RUNX1: variants seen among roughly 807,000 people sequenced by gnomAD.
The protein encoded by RUNX1 is runt-related transcription factor 1.
A neutral mutation model predicts 42.8 loss-of-function variants in RUNX1; 19 were observed. That is an observed-to-expected ratio of 0.44 (90% CI 0.31 to 0.65). The LOEUF (loss-of-function observed/expected upper bound fraction) is 0.65. RUNX1 is among the 30% of genes least tolerant of loss of function. The probability of loss-of-function intolerance (pLI) is 0.07; values close to 1 mark genes in which losing one functional copy is unlikely to be tolerated. For missense variants in RUNX1, 528 were observed against 672.0 expected (o/e 0.79, Z 2.37); for synonymous variants, 271 against 289.4 (o/e 0.94, Z 0.64).
At chr21:34,885,647 AG>A in intron 4 of RUNX1, among the ~76,000 whole-genome samples, 1 of 152,244 alleles carries the variant, frequency 6.6e-6, no homozygotes, top group Admixed American at 6.5e-5. Context: ...TTTTTTAAAA[AG>A]TGAATATTCG....
chr21:34,795,015 T>C (rs1031012442), intron 8 of RUNX1, among the ~76,000 whole-genome samples: 2 of 152,204 alleles, frequency 1.3e-5, no homozygotes, highest in Non-Finnish European at 2.9e-5. Context: ...CTTAGAATTA[T>C]TCATTAAATG....
At chr21:35,013,720 C>G (rs781182915) in intron 2 of RUNX1, among the ~76,000 whole-genome samples, 13 of 152,162 alleles carry the variant, frequency 8.5e-5, no homozygotes, top group Non-Finnish European at 1.9e-4. Context: ...AAACAGATGT[C>G]TATTTCTAGG....
rs903701410 is a variant in RUNX1 at position 34,813,631 on chromosome 21, T to C, written c.806-14169A>G. On this transcript the variant is annotated intron_variant, in intron 7 of 8. Coordinates refer to ENST00000675419, the MANE Select transcript of RUNX1 (RefSeq NM_001754.5). ...TTGAGCCCTGGGTGAGCTGCAGGTG[T>C]GAACTACCAACAAGACTGCTCCTGA... Among the ~76,000 whole-genome samples the C allele has an allele frequency of 2.0e-5, 3 of 151,924 alleles. No homozygotes were observed. In the East Asian group the frequency reaches 5.8e-4, roughly 30 times the overall value.
At chr21:34,998,929 A>G (rs543613339) in intron 2 of RUNX1, among the ~76,000 whole-genome samples, 1 of 152,356 alleles carries the variant, frequency 6.6e-6, no homozygotes, top group Admixed American at 6.5e-5. Context: ...TCTGTGCTCC[A>G]AAGCAAAACC....
rs2057273486 is a variant in RUNX1 at position 34,843,562 on chromosome 21, CCAAGA to C, written c.614-8966_614-8962del. Reference sequence around the variant, plus strand: ...TCTGTGATCGCCCTCAGGACATGGGCCAAGACAAGTGTAGCAAGCAACAGTCAATG... The same window carrying C: ...TCTGTGATCGCCCTCAGGACATGGGCCAAGTGTAGCAAGCAACAGTCAATG... On this transcript the variant is annotated intron_variant, in intron 6 of 8. Coordinates refer to ENST00000675419, the MANE Select transcript of RUNX1 (RefSeq NM_001754.5). This position sits in a 1 kb window ranked among gnomAD's most constrained non-coding sequence, Gnocchi z 4.8. Among the ~76,000 whole-genome samples the C allele has an allele frequency of 6.6e-6, 1 of 152,108 alleles. No individual in the cohort carries two copies.
chr21:34,911,567 C>G (rs1208382344), intron 2 of RUNX1, among the ~76,000 whole-genome samples: 1 of 152,206 alleles, frequency 6.6e-6, no homozygotes, highest in African/African-American at 2.4e-5. Context: ...CCCCACACTG[C>G]AGTGAACCCC....
chr21:35,040,994 A>G (rs2059354980), intron 2 of RUNX1, among the ~76,000 whole-genome samples: 1 of 152,182 alleles, frequency 6.6e-6, no homozygotes, highest in Admixed American at 6.5e-5. Flanking sequence ...TCAGAAGCAC[A>G]TGAGAGCTGA....
intron 7 of RUNX1, among the ~76,000 whole-genome samples, chr21:34,814,692 GT>G (rs750056968): frequency 2.8e-4 from 42 of 152,302 alleles, no homozygotes; most frequent in Non-Finnish European, 5.0e-4. Flanking sequence ...GGCACAGGCT[GT>G]TTACGAAAGA....
At chr21:34,932,699 A>G (rs772366783) in intron 2 of RUNX1, among the ~76,000 whole-genome samples, 11 of 152,146 alleles carry the variant, frequency 7.2e-5, no homozygotes, top group Non-Finnish European at 1.3e-4. Context: ...TTCAAATCCA[A>G]GTTGCCTTCC....
intron 7 of RUNX1, among the ~76,000 whole-genome samples, chr21:34,810,924 G>A (rs78925024): frequency 6.6e-6 from 1 of 152,254 alleles, no homozygotes; most frequent in African/African-American, 2.4e-5. Context: ...AGAGTTCCAA[G>A]GTGCACTATT....
In RUNX1 at chr21:34,882,690, G is replaced by GT. The variant is rs60688911; in HGVS notation, c.352-1978dup. 5.4e-3 allele frequency among the ~76,000 whole-genome samples: 754 copies of GT among 139,660 alleles called. 5 individuals are homozygous for GT. The highest frequency in any genetic ancestry group is 0.018 in the South Asian group (76 of 4,322). The allele number at this position is 139,660 out of a possible 152,430, so 91.6% of individuals were successfully genotyped here. ...GATCAGTTATTTGGTTATTGCTACT[G>GT]TTTTTTTTTTTTTTCTATTCCCGAA... On this transcript the variant is annotated intron_variant, in intron 4 of 8. Coordinates refer to ENST00000675419, the MANE Select transcript of RUNX1 (RefSeq NM_001754.5).
At chr21:35,018,957 C>T (rs535434612) in intron 2 of RUNX1, among the ~76,000 whole-genome samples, 1 of 152,192 alleles carries the variant, frequency 6.6e-6, no homozygotes, top group African/African-American at 2.4e-5. Flanking sequence ...CCTCAGCCAA[C>T]GTTAGTTGTT....
At chr21:34,915,637 T>C (rs1459769957) in intron 2 of RUNX1, among the ~76,000 whole-genome samples, 2 of 152,238 alleles carry the variant, frequency 1.3e-5, no homozygotes, top group Non-Finnish European at 2.9e-5. Context: ...ACTTTGATCA[T>C]GTATTTTAAC....
intron 4 of RUNX1, among the ~76,000 whole-genome samples, chr21:34,884,934 A>G (rs142207943): frequency 6.6e-6 from 1 of 152,362 alleles, no homozygotes; most frequent in East Asian, 1.9e-4. Flanking sequence ...GTCATTTTAA[A>G]AAGGAAACTC....
intron 5 of RUNX1, among the ~76,000 whole-genome samples, chr21:34,871,662 C>G (rs531034720): frequency 6.6e-5 from 10 of 152,250 alleles, no homozygotes; most frequent in Middle Eastern, 3.4e-3. Context: ...CCAGAGGAAC[C>G]CAGCCATCTG....
intron 7 of RUNX1, 109 bp downstream of exon 7, chr21:34,834,301 T>A (rs1325220907): frequency 1.7e-6 from 2 of 1,159,132 alleles, no homozygotes; most frequent in African/African-American, 3.0e-5. Flanking sequence ...TCTCTGAGCA[T>A]CAAGGGGAAA....
intron 2 of RUNX1, among the ~76,000 whole-genome samples, chr21:34,916,981 T>C (rs950385228): frequency 6.6e-6 from 1 of 152,256 alleles, no homozygotes; most frequent in Non-Finnish European, 1.5e-5. Flanking sequence ...AGCCAGCAAG[T>C]GGCAGAGCCA....
At chr21:34,818,472 C>T (rs1368025346) in intron 7 of RUNX1, among the ~76,000 whole-genome samples, 1 of 152,100 alleles carries the variant, frequency 6.6e-6, no homozygotes, top group Non-Finnish European at 1.5e-5. Flanking sequence ...CCCAGACCCC[C>T]CTCCTTCTGG....
At chr21:34,817,337 A>G (rs1023618296) in intron 7 of RUNX1, among the ~76,000 whole-genome samples, 5 of 152,192 alleles carry the variant, frequency 3.3e-5, no homozygotes, top group African/African-American at 1.2e-4. Context: ...CTGAGCTACA[A>G]ATGATTTATA....
Sources: allele counts gnomAD v4.1 joint callset (sites outside exome capture counted in the v4.1 genomes callset), GRCh38; gene constraint gnomAD v4.1.1; non-coding constraint Gnocchi (gnomAD v3.1); transcripts MANE v1.5; gene names NCBI Gene and HGNC (gene_info 2026-07-23, HGNC 2026-07-21).